The following PIN4 variants were observed in gnomAD, a reference collection of about 807,000 sequenced individuals.
PIN4 encodes the protein peptidylprolyl cis/trans isomerase, NIMA-interacting 4.
In PIN4, 3 loss-of-function variants were observed where a neutral mutation model predicts 8.3. The observed-to-expected ratio is 0.36, with a 90% CI of 0.16 to 0.93. PIN4 has a LOEUF of 0.93. Ranked by LOEUF, PIN4 falls within the 40% of genes least tolerant of loss-of-function variation. The probability of loss-of-function intolerance (pLI) is 0.44; values close to 1 mark genes in which losing one functional copy is unlikely to be tolerated. For synonymous variants in PIN4, 18 were observed against 32.5 expected, an observed-to-expected ratio of 0.55 and a Z score of 1.52; for missense variants, 75 against 100.6, an observed-to-expected ratio of 0.75 and a Z score of 1.09.
intron 2 of PIN4, among the ~76,000 whole-genome samples, chrX:72,195,034 T>A (rs185872246): frequency 4.5e-5 from 5 of 111,888 alleles, no homozygotes; most frequent in Admixed American, 3.8e-4. Flanking sequence ...CCATCTAGGT[T>A]TGTGTAAGTA....
Position 72,188,515 on chromosome X carries a change from G to A in PIN4, c.117+1981G>A, listed in dbSNP as rs768273823. Among the ~76,000 whole-genome samples the A allele has an allele frequency of 3.6e-5, 4 of 110,723 alleles. No individual in the cohort carries two copies. In the South Asian group the frequency reaches 1.1e-3, roughly 32 times the overall value. Reference sequence around the variant, plus strand: ...TGGGATCACAGGTGCCCGCCACCGCGCCCAGCTAGTTTTTTGTATTTTTAG... The same window carrying A: ...TGGGATCACAGGTGCCCGCCACCGCACCCAGCTAGTTTTTTGTATTTTTAG... On this transcript the variant is annotated intron_variant, in intron 2 of 3. Coordinates refer to ENST00000373669, the MANE Select transcript of PIN4 (RefSeq NM_006223.4).
intron 3 of PIN4, among the ~76,000 whole-genome samples, chrX:72,212,045 C>T (rs1440687279): frequency 9.0e-6 from 1 of 111,032 alleles, no homozygotes; most frequent in African/African-American, 3.3e-5. Flanking sequence ...GAGGCTGAGG[C>T]GGTTGAATCA....
intron 3 of PIN4, among the ~76,000 whole-genome samples, chrX:72,246,176 A>G (rs769576038): frequency 9.0e-6 from 1 of 111,186 alleles, no homozygotes; most frequent in Non-Finnish European, 1.9e-5. Flanking sequence ...GGCACTACCA[A>G]CCCCCAAAGT....
intron 2 of PIN4, among the ~76,000 whole-genome samples, chrX:72,191,967 T>C (rs2042736961): frequency 9.0e-6 from 1 of 110,795 alleles, no homozygotes; most frequent in African/African-American, 3.3e-5. Context: ...GTTTTTGTTT[T>C]TGAGATGGAG....
downstream of PIN4, among the ~76,000 whole-genome samples, chrX:72,202,021 C>T (rs189744478): frequency 2.7e-5 from 3 of 112,531 alleles, no homozygotes; most frequent in East Asian, 5.6e-4. Context: ...GAAAGGATGA[C>T]GTGAAGTTAC....
intron 3 of PIN4, among the ~76,000 whole-genome samples, chrX:72,235,196 T>G (rs1177280117): frequency 9.0e-6 from 1 of 111,635 alleles, no homozygotes; most frequent in African/African-American, 3.3e-5. Context: ...GGGCTAAAAT[T>G]AAGGTTGCAG....
At chrX:72,224,190 C>A (rs2042941721) in intron 3 of PIN4, among the ~76,000 whole-genome samples, 2 of 111,200 alleles carry the variant, frequency 1.8e-5, no homozygotes, top group Non-Finnish European at 3.8e-5. Context: ...AATATCAAGG[C>A]CCACTAGAAT....
intron 3 of PIN4, among the ~76,000 whole-genome samples, chrX:72,256,211 CA>C (rs1354694846): frequency 8.9e-6 from 1 of 112,422 alleles, no homozygotes; most frequent in African/African-American, 3.2e-5. Flanking sequence ...GCAGACAACA[CA>C]TTTTTAAAAA....
chrX:72,203,211 G>A (rs1833052684), downstream of PIN4, among the ~76,000 whole-genome samples: 1 of 112,045 alleles, frequency 8.9e-6, no homozygotes, highest in South Asian at 3.7e-4. Flanking sequence ...GGAGGGCATG[G>A]ACGCTTAATG....
intron 3 of PIN4, among the ~76,000 whole-genome samples, chrX:72,248,291 GAAAAAAAAAAAAA>G (rs55908553): frequency 9.1e-5 from 5 of 54,897 alleles, no homozygotes; most frequent in Non-Finnish European, 1.7e-4. Flanking sequence ...GCTCCATCCA[GAAAAAAAAAAAAA>G]AAAAAAAAAA....
At chrX:72,246,774 T>C (rs1177813980) in intron 3 of PIN4, among the ~76,000 whole-genome samples, 1 of 111,960 alleles carries the variant, frequency 8.9e-6, no homozygotes, top group Non-Finnish European at 1.9e-5. Context: ...GTCTCCCTGC[T>C]TCCAGGAACC....
At chrX:72,214,853 G>A (rs1415333976) in intron 3 of PIN4, among the ~76,000 whole-genome samples, 1 of 110,169 alleles carries the variant, frequency 9.1e-6, no homozygotes, top group Non-Finnish European at 1.9e-5. Flanking sequence ...CAGGTGTGGT[G>A]ACGGGTTCCT....
intron 3 of PIN4, among the ~76,000 whole-genome samples, chrX:72,245,046 C>T (rs1270743621): frequency 1.3e-5 from 1 of 77,278 alleles, no homozygotes; most frequent in Admixed American, 1.9e-4. Context: ...TACTCCAGCC[C>T]GAGTGACAGA....
At chrX:72,189,694 G>A (rs1475506818) in intron 2 of PIN4, among the ~76,000 whole-genome samples, 2 of 111,511 alleles carry the variant, frequency 1.8e-5, no homozygotes, top group Non-Finnish European at 3.8e-5. Context: ...TTCAGATTAG[G>A]GATGCTCAAC....
chrX:72,232,939 T>TAA (rs1231718848), intron 3 of PIN4, among the ~76,000 whole-genome samples: 1 of 104,457 alleles, frequency 9.6e-6, no homozygotes, highest in South Asian at 4.1e-4. Flanking sequence ...CCCATCTCTT[T>TAA]AAAAAAAAAA....
At chrX:72,220,024 A>G (rs2042913945) in intron 3 of PIN4, among the ~76,000 whole-genome samples, 1 of 111,383 alleles carries the variant, frequency 9.0e-6, no homozygotes, top group African/African-American at 3.3e-5. Context: ...GATCAGGTTA[A>G]GGAAGTTACC....
intron 3 of PIN4, among the ~76,000 whole-genome samples, chrX:72,217,655 C>T (rs751904216): frequency 9.0e-6 from 1 of 110,804 alleles, no homozygotes; most frequent in African/African-American, 3.3e-5. Flanking sequence ...GTTACTTGCC[C>T]ACCCTAGTGG....
At chrX:72,240,673 G>A (rs1414835705) in intron 3 of PIN4, among the ~76,000 whole-genome samples, 9 of 109,717 alleles carry the variant, frequency 8.2e-5, no homozygotes, top group East Asian at 2.9e-4. Flanking sequence ...GGTGGCGGGT[G>A]CCTGTAATCC....
chrX:72,219,994 G>A (rs967306526), intron 3 of PIN4, among the ~76,000 whole-genome samples: 8 of 111,398 alleles, frequency 7.2e-5, no homozygotes, highest in Admixed American at 2.9e-4. Context: ...GTTAGCTATG[G>A]GATTTTTGTA....
Sources: gnomAD v4.1 joint callset for allele counts (sites outside exome capture counted in the v4.1 genomes callset) on GRCh38, gnomAD v4.1.1 for gene constraint, MANE v1.5 for transcripts, NCBI Gene and HGNC (gene_info 2026-07-23, HGNC 2026-07-21) for gene names.